Variants in SCLT1 observed in about 807,000 individuals in gnomAD.
SCLT1 encodes the protein sodium channel and clathrin linker 1.
A neutral mutation model predicts 112.8 loss-of-function variants in SCLT1; 78 were observed. The ratio of observed to expected loss-of-function variants is 0.69; its 90% confidence interval spans 0.58 to 0.83. SCLT1 has a LOEUF of 0.83. SCLT1 is among the 40% of genes least tolerant of loss of function. The probability of loss-of-function intolerance (pLI) is 0.00; values close to 1 mark genes in which losing one functional copy is unlikely to be tolerated. For missense variants in SCLT1, 747 were observed against 770.4 expected (o/e 0.97, Z 0.36); for synonymous variants, 257 against 254.7 (o/e 1.01, Z -0.09).
chr4:128,937,233 G>A (rs542867398), intron 17 of SCLT1, among the ~76,000 whole-genome samples: 211 of 148,770 alleles, frequency 1.4e-3, no homozygotes, highest in African/African-American at 4.9e-3. Context: ...AGCTGAGATC[G>A]CACCACTGCA....
chr4:128,953,622 G>A (rs1408195034), intron 13 of SCLT1, among the ~76,000 whole-genome samples: 4 of 151,236 alleles, frequency 2.6e-5, no homozygotes, highest in Admixed American at 1.3e-4. Flanking sequence ...GTGAAACTCC[G>A]TCTCTATAAA....
intron 13 of SCLT1, among the ~76,000 whole-genome samples, chr4:128,954,150 T>C (rs1177236456): frequency 6.6e-6 from 1 of 152,106 alleles, no homozygotes; most frequent in Non-Finnish European, 1.5e-5. Context: ...AATTTTATGA[T>C]CTAAAGGTCT....
intron 4 of SCLT1, among the ~76,000 whole-genome samples, chr4:129,042,663 C>T (rs886077334): frequency 2.6e-5 from 4 of 151,766 alleles, no homozygotes; most frequent in South Asian, 2.1e-4. Flanking sequence ...TTTTTTTCTT[C>T]GAGACAAGGT....
intron 2 of SCLT1, among the ~76,000 whole-genome samples, chr4:129,074,745 A>G (rs982888319): frequency 6.6e-6 from 1 of 152,154 alleles, no homozygotes; most frequent in Non-Finnish European, 1.5e-5. Flanking sequence ...TCTATCACCC[A>G]AACTGGAGTG....
At chr4:128,930,305 T>C (rs565452603) in intron 18 of SCLT1, among the ~76,000 whole-genome samples, 33 of 152,316 alleles carry the variant, frequency 2.2e-4, no homozygotes, top group African/African-American at 7.0e-4. Flanking sequence ...ACTTAGGCCT[T>C]CTATCCACGG....
At chr4:129,058,595 G>T (rs759659659) in intron 2 of SCLT1, among the ~76,000 whole-genome samples, 1 of 151,904 alleles carries the variant, frequency 6.6e-6, no homozygotes, top group Non-Finnish European at 1.5e-5. Context: ...TATTTTAATC[G>T]TTTTAATTTT....
rs112805933 is a variant in SCLT1, at chr4:129,008,149, C to G, written c.291-4273G>C. ...TCGTTAGATTTTCTCCCATATTTACCCCTTCCATAGTTCCAAACTTTATTC... is the reference window on the plus strand; with the variant it reads ...TCGTTAGATTTTCTCCCATATTTACGCCTTCCATAGTTCCAAACTTTATTC... On this transcript the variant is annotated intron_variant, in intron 5 of 20. Coordinates refer to ENST00000281142, the MANE Select transcript of SCLT1 (RefSeq NM_144643.4). Among the ~76,000 whole-genome samples, 1,495 of 152,036 alleles carry G rather than the reference C, an allele frequency of 9.8e-3. 11 individuals are homozygous for G. The highest frequency in any genetic ancestry group is 0.012 in the African/African-American group (510 of 41,470).
At chr4:128,893,688 G>A (rs554527381) in intron 18 of SCLT1, among the ~76,000 whole-genome samples, 6 of 151,860 alleles carry the variant, frequency 4.0e-5, no homozygotes, top group Admixed American at 2.6e-4. Context: ...GACTACAGGC[G>A]CCCGCCACCA....
intron 9 of SCLT1, among the ~76,000 whole-genome samples, chr4:128,981,334 G>C (rs1741631926): frequency 6.6e-6 from 1 of 152,128 alleles, no homozygotes; most frequent in Non-Finnish European, 1.5e-5. Flanking sequence ...TAAAATGAAT[G>C]AAAGGCCACT....
rs147119532 is a variant in SCLT1 at position 128,916,163 on chromosome 4, C to T, written c.1829+20492G>A. Among the ~76,000 whole-genome samples the T allele has an allele frequency of 3.4e-4, 52 of 152,238 alleles. 1 individual carries two copies. Among genetic ancestry groups the T allele is most frequent in the South Asian group, 2.3e-3 (11 of 4,822 alleles). The stretch of plus-strand genomic sequence containing the variant: ...TTGATAGAGTGAAAAGATGGACAGC[C>T]AAGATGCTAATAATACTGCTGAACA... On this transcript the variant is annotated intron_variant, in intron 18 of 20. Transcript: ENST00000281142.
chr4:128,925,474 C>A (rs1736221999), intron 18 of SCLT1, among the ~76,000 whole-genome samples: 1 of 151,970 alleles, frequency 6.6e-6, no homozygotes, highest in Non-Finnish European at 1.5e-5. Context: ...CAGGCATGTG[C>A]CACCACTCCT....
At chr4:128,886,846 C>A (rs1164090461) in intron 20 of SCLT1, among the ~76,000 whole-genome samples, 1 of 152,090 alleles carries the variant, frequency 6.6e-6, no homozygotes, top group Non-Finnish European at 1.5e-5. Flanking sequence ...TAATTAATGT[C>A]CTGTAATCGT....
chr4:128,901,171 G>A (rs1188208317), intron 18 of SCLT1, among the ~76,000 whole-genome samples: 1 of 152,130 alleles, frequency 6.6e-6, no homozygotes, highest in Non-Finnish European at 1.5e-5. Flanking sequence ...CCATTACTGG[G>A]TATATACCCA....
Position 128,937,006 on chromosome 4 carries a change from C to T in SCLT1, c.1633-155G>A, listed in dbSNP as rs183369446. 1.5e-3 allele frequency among the ~76,000 whole-genome samples: 229 copies of T among 152,188 alleles called. 1 individual carries two copies. Among genetic ancestry groups the T allele is most frequent in the African/African-American group, 5.2e-3 (214 of 41,550 alleles). ...GTAAGAAATCAAGTTTGGTCAGGTGCGGTGGCTCATGCCTGTAATCCCAGC... is the reference window on the plus strand; with the variant it reads ...GTAAGAAATCAAGTTTGGTCAGGTGTGGTGGCTCATGCCTGTAATCCCAGC... On this transcript the variant is annotated intron_variant, in intron 17 of 20. Transcript: ENST00000281142.
At chr4:128,923,444 CA>C (rs35945474) in intron 18 of SCLT1, among the ~76,000 whole-genome samples, 2,186 of 81,334 alleles carry the variant, frequency 0.027, 17 homozygotes, top group Non-Finnish European at 0.03. Context: ...GACTCCATCT[CA>C]AAAAAAAAAA....
intron 1 of SCLT1, among the ~76,000 whole-genome samples, chr4:129,084,432 TA>T (rs34518262): frequency 0.66 from 100,552 of 151,700 alleles, 35,818 homozygotes; most frequent in South Asian, 0.83. Context: ...TATAGTACCA[TA>T]AAAAAAAATA....
At chr4:129,025,876 CA>C (rs1485959307) in intron 5 of SCLT1, among the ~76,000 whole-genome samples, 1 of 150,934 alleles carries the variant, frequency 6.6e-6, no homozygotes, top group Non-Finnish European at 1.5e-5. Flanking sequence ...AAATGGAAAA[CA>C]AAAAAAGGCA....
intron 3 of SCLT1, among the ~76,000 whole-genome samples, chr4:128,878,574 C>CT (rs1732571236): frequency 6.6e-6 from 1 of 152,118 alleles, no homozygotes; most frequent in Non-Finnish European, 1.5e-5. Flanking sequence ...CAACTAGTCT[C>CT]AAGTACTCTA....
chr4:128,900,070 G>A (rs1275587737), intron 18 of SCLT1, among the ~76,000 whole-genome samples: 1 of 152,138 alleles, frequency 6.6e-6, no homozygotes, highest in South Asian at 2.1e-4. Flanking sequence ...TGGGTAGGAA[G>A]AATCGATACC....
Sources: gnomAD v4.1 joint callset for allele counts (sites outside exome capture counted in the v4.1 genomes callset) on GRCh38, gnomAD v4.1.1 for gene constraint, MANE v1.5 for transcripts, NCBI Gene and HGNC (gene_info 2026-07-23, HGNC 2026-07-21) for gene names.